Variants in ABHD4 observed in about 807,000 individuals in gnomAD.
The protein encoded by ABHD4 is (Lyso)-N-acylphosphatidylethanolamine lipase.
A neutral mutation model predicts 42.3 loss-of-function variants in ABHD4; 35 were observed. The ratio of observed to expected loss-of-function variants is 0.83; its 90% CI spans 0.63 to 1.10. The LOEUF is 1.10. Ranked by LOEUF, ABHD4 falls within the 50% of genes least tolerant of loss-of-function variation. The pLI, the probability that ABHD4 is intolerant of heterozygous loss-of-function variation, is 0.00. For missense variants in ABHD4, 389 were observed against 454.8 expected (o/e 0.86, Z 1.32); for synonymous variants, 169 against 170.6 (o/e 0.99, Z 0.07).
At chr14:22,601,427 A>G (rs1176367439) in intron 1 of ABHD4, among the ~76,000 whole-genome samples, 1 of 152,240 alleles carries the variant, frequency 6.6e-6, no homozygotes, top group Non-Finnish European at 1.5e-5. Flanking sequence ...ACTCTAAAGT[A>G]TTATATACAG....
Position 22,603,661 on chromosome 14 carries a change from A to G in ABHD4, c.384A>G (p.Ile128Met). Residue 128 changes from isoleucine (I) to methionine (M), a missense_variant, in exon 3 of 7, where the codon ATA becomes ATG. This residue lies in a region of ABHD4 where 38 missense variants were observed against 72.1 expected (regional missense o/e 0.53). Coordinates refer to ENST00000428304, the MANE Select transcript of ABHD4 (RefSeq NM_022060.3). ...EGAEDEFVTS[I>M]ETWRETMGIP... ...CTGAGGATGAGTTTGTGACATCGATAGAGACATGGCGGGAGACCATGGGGA... is the reference window on the plus strand; with the variant it reads ...CTGAGGATGAGTTTGTGACATCGATGGAGACATGGCGGGAGACCATGGGGA... 1 of 1,614,098 alleles carries G rather than the reference A, an allele frequency of 6.2e-7. No individual in the cohort carries two copies. Among genetic ancestry groups the G allele is most frequent in the African/African-American group, 1.3e-5 (1 of 75,036 alleles).
chr14:22,603,149 T>G (rs1483966), intron 2 of ABHD4, among the ~76,000 whole-genome samples: 16,608 of 152,236 alleles, frequency 0.11, 1,029 homozygotes, highest in East Asian at 0.19. Context: ...GCTAGACATT[T>G]GGAAGACAGG....
intron 5 of ABHD4, 59 bp downstream of exon 5, chr14:22,606,592 A>C: frequency 1.7e-6 from 2 of 1,186,206 alleles, no homozygotes; most frequent in Non-Finnish European, 2.5e-6. Flanking sequence ...TAAAACTCTT[A>C]GCTGCTGGAG....
intron 1 of ABHD4, 187 bp downstream of exon 1, chr14:22,598,516 C>T (rs1020831188): frequency 6.6e-7 from 1 of 1,515,902 alleles, no homozygotes; most frequent in Non-Finnish European, 8.8e-7. Flanking sequence ...AGCGGCTGAG[C>T]CTGGGGAGCC....
intron 1 of ABHD4, chr14:22,598,635 G>C (rs2037245976): frequency 1.7e-6 from 1 of 602,058 alleles, no homozygotes; most frequent in South Asian, 1.9e-5. Context: ...GTTGATGTGT[G>C]AGATCCCCGA....
intron 2 of ABHD4, among the ~76,000 whole-genome samples, chr14:22,603,165 G>A (rs1309509624): frequency 1.3e-5 from 2 of 152,168 alleles, no homozygotes; most frequent in Non-Finnish European, 2.9e-5. Context: ...ACAGGCCAGG[G>A]GCCAAGGTCA....
At chr14:22,608,946 C>T (rs970425960) in intron 5 of ABHD4, among the ~76,000 whole-genome samples, 6 of 151,768 alleles carry the variant, frequency 4.0e-5, no homozygotes, top group East Asian at 1.9e-4. Context: ...GTGATCTGCC[C>T]GCATCAGCCT....
intron 1 of ABHD4, chr14:22,598,969 A>C (rs962423971): frequency 6.4e-6 from 1 of 155,218 alleles, no homozygotes; most frequent in Non-Finnish European, 1.4e-5. Context: ...TTTCAAGGGC[A>C]TCAGGTTTGG....
At chr14:22,606,863 A>C (rs772723393) in intron 5 of ABHD4, among the ~76,000 whole-genome samples, 2 of 152,124 alleles carry the variant, frequency 1.3e-5, no homozygotes, top group Admixed American at 6.5e-5. Context: ...TGATACAAAC[A>C]TGGTATTTTT....
chr14:22,604,011 T>C lies in ABHD4; in HGVS notation c.572T>C (p.Val191Ala). ...PSEIRAPPAWVKAVASVLGRS... is the reference protein window; with the variant it reads ...PSEIRAPPAWAKAVASVLGRS... ...GAGATCCGTGCACCCCCAGCCTGGG[T>C]CAAAGCCGTGGCATCTGTCCTAGGA... The change falls in exon 4 of 7, where the codon GTC (valine) becomes GCC (alanine). Residue 191 changes from valine to alanine, a missense_variant. Physicochemically the swap from Val to Ala is moderately conservative, Grantham distance 64. Transcript: ENST00000428304. 8 of 1,614,148 alleles carry C rather than the reference T, an allele frequency of 5.0e-6. No homozygotes were observed. Among genetic ancestry groups the C allele is most frequent in the Non-Finnish European group, 6.8e-6 (8 of 1,180,028 alleles).
intron 1 of ABHD4, chr14:22,598,774 G>C (rs1287773813): frequency 6.0e-6 from 2 of 334,348 alleles, no homozygotes; most frequent in Non-Finnish European, 1.2e-5. Context: ...AAGATGTGGA[G>C]AGACTGGAGA....
At chr14:22,600,831 G>GGT (rs35284182) in intron 1 of ABHD4, among the ~76,000 whole-genome samples, 16,809 of 65,002 alleles carry the variant, frequency 0.26, 1,182 homozygotes, top group Non-Finnish European at 0.31. Flanking sequence ...CCAGCAGGGG[G>GGT]GTGTGTGTGT....
At chr14:22,602,070 C>T (rs1022742349) in intron 2 of ABHD4, among the ~76,000 whole-genome samples, 1 of 152,092 alleles carries the variant, frequency 6.6e-6, no homozygotes, top group Admixed American at 6.5e-5. Context: ...CCTTCTCCCC[C>T]ATTTCTCTCT....
At position 22,603,688 on chromosome 14, in the gene ABHD4, C is replaced by A. The variant is rs375987684; in HGVS notation, c.411C>A (p.Ile137=). Residue 137 remains isoleucine (I), a synonymous_variant, in exon 3 of 7, where the codon ATC becomes ATA. Coordinates refer to ENST00000428304, the MANE Select transcript of ABHD4 (RefSeq NM_022060.3). ...AGACATGGCGGGAGACCATGGGGAT[C>A]CCCAGCATGATCCTCCTGGGGCACA... The part of the protein sequence containing the change: ...SIETWRETMG[I]PSMILLGHSL... The A allele has an allele frequency of 2.7e-4, 442 of 1,611,516 alleles. No homozygotes were observed. Among genetic ancestry groups the A allele is most frequent in the Non-Finnish European group, 3.4e-4 (402 of 1,178,432 alleles).
chr14:22,603,383 T>C lies in ABHD4; in HGVS notation c.113-7T>C. The C allele has an allele frequency of 6.2e-7, 1 of 1,614,016 alleles. No individual in the cohort carries two copies. Among genetic ancestry groups the C allele is most frequent in the Non-Finnish European group, 8.5e-7 (1 of 1,179,976 alleles). On this transcript the variant is annotated splice_polypyrimidine_tract_variant and splice_region_variant and intron_variant, in intron 2 of 6. Transcript: ENST00000428304. ...ATTGACTTACCATGGGATTCTTTCCTCCCCAGGTCTCCAGAATAAGTTCCT... is the reference window on the plus strand; with the variant it reads ...ATTGACTTACCATGGGATTCTTTCCCCCCCAGGTCTCCAGAATAAGTTCCT...
At chr14:22,606,584 A>C in intron 5 of ABHD4, 51 bp downstream of exon 5, 1 of 1,299,720 alleles carries the variant, frequency 7.7e-7, no homozygotes, top group Non-Finnish European at 1.1e-6. Flanking sequence ...TTAGGAGATA[A>C]AACTCTTAGC....
intron 1 of ABHD4, among the ~76,000 whole-genome samples, chr14:22,601,351 A>ATTATG (rs1229594783): frequency 1.3e-5 from 2 of 152,252 alleles, no homozygotes; most frequent in Non-Finnish European, 2.9e-5. Flanking sequence ...TTGAACATAA[A>ATTATG]TTATGATAAT....
Position 22,603,560 on chromosome 14 carries a change from C to T in ABHD4, c.283C>T (p.Arg95Cys), listed in dbSNP as rs201166597. 51 of 1,614,120 alleles carry T rather than the reference C, an allele frequency of 3.2e-5. No homozygotes were observed. Among genetic ancestry groups the T allele is most frequent in the Non-Finnish European group, 4.2e-5 (49 of 1,180,014 alleles). ...CAACATGGACTCACTGAGTGCCCGC[C>T]GCACACTGCACACCTTCGATCTGCT... The part of the protein sequence containing the change: ...ILNMDSLSAR[R>C]TLHTFDLLGF... Residue 95 changes from arginine to cysteine, a missense_variant, in exon 3 of 7, where the codon CGC (arginine) becomes TGC (cysteine). Arg to Cys is a radical substitution (Grantham distance 180). Around this residue, in one of 3 missense-constraint regions of ABHD4, gnomAD observed 102 missense variants for 128.3 expected, o/e 0.80. Coordinates refer to ENST00000428304, the MANE Select transcript of ABHD4 (RefSeq NM_022060.3).
chr14:22,610,442 C>T (rs1217288847), intron 6 of ABHD4, among the ~76,000 whole-genome samples: 1 of 152,134 alleles, frequency 6.6e-6, no homozygotes, highest in Non-Finnish European at 1.5e-5. Flanking sequence ...AGTTTCTACC[C>T]CAAAACCAGA....
Sources: allele counts gnomAD v4.1 joint callset (sites outside exome capture counted in the v4.1 genomes callset), GRCh38; gene constraint gnomAD v4.1.1; regional missense constraint gnomAD v4.1.1; transcripts MANE v1.5; gene names NCBI Gene and HGNC (gene_info 2026-07-23, HGNC 2026-07-21).